Variants in MRPS34 observed in about 807,000 individuals in gnomAD.
MRPS34 encodes small ribosomal subunit protein mS34.
Under a neutral mutation model 13.3 loss-of-function variants are expected in MRPS34, and 12 were observed. The ratio of observed to expected loss-of-function variants is 0.90; its 90% CI spans 0.58 to 1.46. MRPS34 has a LOEUF of 1.46. Ranked by LOEUF, MRPS34 falls within the 40% of genes most tolerant of loss-of-function variation. MRPS34 has a pLI of 0.00. For missense variants in MRPS34, 419 were observed against 335.3 expected, an observed-to-expected ratio of 1.25 and a Z score of -1.95; for synonymous variants, 181 against 149.3, an observed-to-expected ratio of 1.21 and a Z score of -1.55.
chr16:1,772,957 A>T lies in MRPS34; in HGVS notation c.163T>A (p.Trp55Arg), dbSNP rs1287292098. ...FSGRRLPVRA[W>R]ADVRRESRLL... is the part of the protein sequence containing the mutation. ...CGGCTCTCGCGGCGCACGTCGGCCC[A>T]GGCCCGGACCGGCAGCCGGCGTCCA... Residue 55 changes from tryptophan (W) to arginine (R), a missense_variant, in exon 1 of 3, where the codon TGG (tryptophan) becomes AGG (arginine). Physicochemically the swap from Trp to Arg is moderately radical, Grantham distance 101. Coordinates refer to ENST00000397375, the MANE Select transcript of MRPS34 (RefSeq NM_023936.2). The T allele has an allele frequency of 6.9e-7, 1 of 1,450,114 alleles. No individual in the cohort carries two copies. The highest frequency in any genetic ancestry group is 1.4e-5 in the South Asian group (1 of 70,700). 89.8% of individuals were successfully genotyped at this position (1,450,114 alleles called of 1,614,324 possible). A position where few individuals can be genotyped will look rare whatever the true frequency, so the allele number is the denominator to read the frequency against.
rs1406560076 is a variant in MRPS34, at chr16:1,772,362, G to A, written c.516C>T (p.Ala172=). 21 of 1,612,836 alleles carry A rather than the reference G, an allele frequency of 1.3e-5. No individual in the cohort carries two copies. The highest frequency in any genetic ancestry group is 1.8e-5 in the Non-Finnish European group (21 of 1,180,018). ...TTTTCTGTCGTTCTGCGATAATCATGGCCCGGAGGAGAGGCGGGTACGGCA... is the reference window on the plus strand; with the variant it reads ...TTTTCTGTCGTTCTGCGATAATCATAGCCCGGAGGAGAGGCGGGTACGGCA... ...ASVPYPPLLR[A]MIIAERQKNG... is the part of the protein sequence containing the mutation. The change falls in exon 3 of 3, where the codon GCC becomes GCT. Residue 172 remains alanine, a synonymous_variant. Coordinates refer to ENST00000397375, the MANE Select transcript of MRPS34 (RefSeq NM_023936.2).
In MRPS34 at chr16:1,772,629, C is replaced by A. The variant is rs1294854251; in HGVS notation, c.339G>T (p.Lys113Asn). The change falls in exon 2 of 3, where the codon AAG becomes AAT. Residue 113 changes from lysine (K) to asparagine (N), a missense_variant. Lys to Asn is a moderately conservative substitution (Grantham distance 94, BLOSUM62 0). Transcript: ENST00000397375. ...CTTTGAAGGTCAGGATGCCCCAGGC[C>A]TTCCCGTGGTCCAAGTTCTGCAAAG... ...DYTAQNLDHG[K>N]AWGILTFKGK... 8 of 1,609,466 alleles carry A rather than the reference C, an allele frequency of 5.0e-6. No homozygotes were observed. The highest frequency in any genetic ancestry group is 6.8e-6 in the Non-Finnish European group (8 of 1,179,912).
chr16:1,772,823 C>A lies in MRPS34; in HGVS notation c.297G>T (p.Arg99=), dbSNP rs1182604102. 2.8e-6 allele frequency: 4 copies of A among 1,444,760 alleles called. No individual in the cohort carries two copies. The highest frequency in any genetic ancestry group is 3.6e-6 in the Non-Finnish European group (4 of 1,103,986). 89.5% of individuals were successfully genotyped at this position (1,444,760 alleles called of 1,614,324 possible). Residue 99 remains arginine, a synonymous_variant, in exon 1 of 3, where the codon CGG becomes CGT. Coordinates refer to ENST00000397375, the MANE Select transcript of MRPS34 (RefSeq NM_023936.2). ...CCTGCGCCGTGTAGTCGGGCCGCAC[C>A]CGCGTGAGGCGCCAGTAGCACGGCT... The part of the protein sequence containing the change: ...HDEPCYWRLT[R]VRPDYTAQNL...
rs1408322860 is a variant in MRPS34 at position 1,772,468 on chromosome 16, T to G, written c.410A>C (p.His137Pro). The G allele has an allele frequency of 6.2e-7, 1 of 1,612,284 alleles. No individual in the cohort carries two copies. Among genetic ancestry groups the G allele is most frequent in the African/African-American group, 1.3e-5 (1 of 74,936 alleles). ...EAREIEHVMY[H>P]DWRLVPKHEE... ...GTGCTTGGGCACCAGCCGCCAGTCA[T>G]GGTACATGACGTGTTCGATCTCCCG... is the stretch of plus-strand genomic sequence containing the variant. The change falls in exon 3 of 3, where the codon CAT becomes CCT. Residue 137 changes from histidine to proline, a missense_variant. Transcript: ENST00000397375.
Position 1,773,044 on chromosome 16 carries a change from T to G in MRPS34, c.76A>C (p.Asn26His). The change falls in exon 1 of 3, where the codon AAC becomes CAC. Residue 26 changes from asparagine to histidine, a missense_variant. By Grantham distance (68) the Asn-to-His change is moderately conservative. Transcript: ENST00000397375. ...RRVRALREQL[N>H]RPRDSQLYAV... ...TAGAGCTGGGAGTCGCGCGGCCTGTTCAGTTGCTCCCGCAGGGCGCGCACG... is the reference window on the plus strand; with the variant it reads ...TAGAGCTGGGAGTCGCGCGGCCTGTGCAGTTGCTCCCGCAGGGCGCGCACG... The G allele has an allele frequency of 7.0e-7, 1 of 1,430,152 alleles. No homozygotes were observed. The highest frequency in any genetic ancestry group is 1.5e-5 in the African/African-American group (1 of 66,548). The allele number at this position is 1,430,152 out of a possible 1,614,324, so 88.6% of individuals were successfully genotyped here. A position where few individuals can be genotyped will look rare whatever the true frequency, so the allele number is the denominator to read the frequency against.
rs1371684306 is a variant in MRPS34 at position 1,773,042 on chromosome 16, G to A, written c.78C>T (p.Asn26=). 1.4e-6 allele frequency: 2 copies of A among 1,430,556 alleles called. No homozygotes were observed. Among genetic ancestry groups the A allele is most frequent in the Admixed American group, 6.1e-5 (2 of 32,728 alleles). The allele number at this position is 1,430,556 out of a possible 1,614,324, so 88.6% of individuals were successfully genotyped here. A position where few individuals can be genotyped will look rare whatever the true frequency, so the allele number is the denominator to read the frequency against. The stretch of plus-strand genomic sequence containing the variant: ...CGTAGAGCTGGGAGTCGCGCGGCCT[G>A]TTCAGTTGCTCCCGCAGGGCGCGCA... ...RRVRALREQL[N]RPRDSQLYAV... Residue 26 remains asparagine, a synonymous_variant, in exon 1 of 3, where the codon AAC becomes AAT. Transcript: ENST00000397375.
Position 1,772,666 on chromosome 16 carries a change from C to A in MRPS34, c.322-20G>T, listed in dbSNP as rs758057090. On this transcript the variant is annotated intron_variant, in intron 1 of 2. Transcript: ENST00000397375. ...CAAGTTCTGCAAAGCCAGAAGGAAG[C>A]GGGGTCAGCTCGCAAAGCTCTCGGC... 1 of 1,601,016 alleles carries A rather than the reference C, an allele frequency of 6.2e-7. No homozygotes were observed. Among genetic ancestry groups the A allele is most frequent in the Non-Finnish European group, 8.5e-7 (1 of 1,179,278 alleles).
chr16:1,772,718 A>C (rs759300768), intron 1 of MRPS34, 72 bp from the exon 2 acceptor site: 2 of 1,567,212 alleles, frequency 1.3e-6, no homozygotes, highest in East Asian at 4.6e-5. Flanking sequence ...TGGGAGCCTC[A>C]GCCACGCAAA....
rs994323145 is a variant in MRPS34 at position 1,772,905 on chromosome 16, G to C, written c.215C>G (p.Pro72Arg). Reference sequence around the variant, plus strand: ...GACCAGGCGGCCCAGGCCGAAGAGCGGGAGGCGGCCGAGCAGCTGCAAGAG... The same window carrying C: ...GACCAGGCGGCCCAGGCCGAAGAGCCGGAGGCGGCCGAGCAGCTGCAAGAG... ...SRLLQLLGRLPLFGLGRLVTR... is the reference protein window; with the variant it reads ...SRLLQLLGRLRLFGLGRLVTR... Residue 72 changes from proline (P) to arginine (R), a missense_variant, in exon 1 of 3, where the codon CCG (proline) becomes CGG (arginine). Pro to Arg is a moderately radical substitution (Grantham distance 103, BLOSUM62 -2). Transcript: ENST00000397375. 6.9e-7 allele frequency: 1 copy of C among 1,450,234 alleles called. No homozygotes were observed. Among genetic ancestry groups the C allele is most frequent in the Non-Finnish European group, 9.0e-7 (1 of 1,108,552 alleles). The allele number at this position is 1,450,234 out of a possible 1,614,324, so 89.8% of individuals were successfully genotyped here.
At chr16:1,772,695 C>A (rs1256416260) in intron 1 of MRPS34, 49 bp from the exon 2 acceptor site, 2 of 1,586,090 alleles carry the variant, frequency 1.3e-6, no homozygotes, top group Non-Finnish European at 1.7e-6. Flanking sequence ...TCTCGGCCCC[C>A]GAGGTCAGGA....
At position 1,772,096 on chromosome 16, in the gene MRPS34, A is replaced by C. The variant is rs982245773; in HGVS notation, c.*125T>G. On this transcript the variant is annotated 3_prime_UTR_variant, in exon 3 of 3. Coordinates refer to ENST00000397375, the MANE Select transcript of MRPS34 (RefSeq NM_023936.2). ...CCCCTAAGATGCAGACCCTCAGAAC[A>C]CGTCGCGGAAGGTGAGCTCCCTGCT... is the stretch of plus-strand genomic sequence containing the variant. The C allele has an allele frequency of 4.0e-6, 4 of 1,001,622 alleles. No homozygotes were observed. The African/African-American group carries it at 6.5e-5, about 16-fold the overall frequency. The allele number at this position is 1,001,622 out of a possible 1,614,324, so 62.0% of individuals were successfully genotyped here. A position where few individuals can be genotyped will look rare whatever the true frequency, so the allele number is the denominator to read the frequency against.
Position 1,772,997 on chromosome 16 carries a change from C to G in MRPS34, c.123G>C (p.Leu41Phe). 6.9e-7 allele frequency: 1 copy of G among 1,455,418 alleles called. No individual in the cohort carries two copies. Among genetic ancestry groups the G allele is most frequent in the South Asian group, 1.4e-5 (1 of 71,822 alleles). 90.2% of individuals were successfully genotyped at this position (1,455,418 alleles called of 1,614,324 possible). The change falls in exon 1 of 3, where the codon TTG becomes TTC. Residue 41 changes from leucine to phenylalanine, a missense_variant. Physicochemically the swap from Leu to Phe is conservative, Grantham distance 22 (BLOSUM62 0). Coordinates refer to ENST00000397375, the MANE Select transcript of MRPS34 (RefSeq NM_023936.2). Reference sequence around the variant, plus strand: ...GCCGGCGTCCAGAGAACGGCCGCGTCAAGGTCTCGTAGTCCACCGCGTAGA... The same window carrying G: ...GCCGGCGTCCAGAGAACGGCCGCGTGAAGGTCTCGTAGTCCACCGCGTAGA... ...SQLYAVDYET[L>F]TRPFSGRRLP...
At position 1,772,393 on chromosome 16, in the gene MRPS34, G is replaced by A; in HGVS notation, c.485C>T (p.Ala162Val). The change falls in exon 3 of 3, where the codon GCC becomes GTC. Residue 162 changes from alanine (A) to valine (V), a missense_variant. Coordinates refer to ENST00000397375, the MANE Select transcript of MRPS34 (RefSeq NM_023936.2). ...AFTPAPEDSLASVPYPPLLRA... is the reference protein window; with the variant it reads ...AFTPAPEDSLVSVPYPPLLRA... ...GAGGAGAGGCGGGTACGGCACGGAG[G>A]CCAGGCTGTCTTCCGGCGCCGGCGT... 6.2e-7 allele frequency: 1 copy of A among 1,611,898 alleles called. No individual in the cohort carries two copies. Among genetic ancestry groups the A allele is most frequent in the Non-Finnish European group, 8.5e-7 (1 of 1,179,974 alleles).
Position 1,772,155 on chromosome 16 carries a change from GTTTCT to G in MRPS34, c.*61_*65del. On this transcript the variant is annotated 3_prime_UTR_variant, in exon 3 of 3. Coordinates refer to ENST00000397375, the MANE Select transcript of MRPS34 (RefSeq NM_023936.2). Reference sequence around the variant, plus strand: ...CAGACTCGGGTGTAACGCAAAGACGGTTTCTTTCATCAATAAGGTCCCCACTGCCT... The same window carrying G: ...CAGACTCGGGTGTAACGCAAAGACGGTTCATCAATAAGGTCCCCACTGCCT... 1 of 1,491,608 alleles carries G rather than the reference GTTTCT, an allele frequency of 6.7e-7. No individual in the cohort carries two copies. The highest frequency in any genetic ancestry group is 9.1e-7 in the Non-Finnish European group (1 of 1,102,432). The allele number at this position is 1,491,608 out of a possible 1,614,324, so 92.4% of individuals were successfully genotyped here.
In MRPS34 at chr16:1,772,241, C is replaced by T. The variant is rs770473583; in HGVS notation, c.637G>A (p.Ala213Thr). The T allele has an allele frequency of 6.8e-6, 11 of 1,608,720 alleles. No individual in the cohort carries two copies. Among genetic ancestry groups the T allele is most frequent in the East Asian group, 4.5e-5 (2 of 44,852 alleles). Residue 213 changes from alanine to threonine, a missense_variant, in exon 3 of 3, where the codon GCC becomes ACC. Ala to Thr is a moderately conservative substitution (Grantham distance 58). Coordinates refer to ENST00000397375, the MANE Select transcript of MRPS34 (RefSeq NM_023936.2). The part of the protein sequence containing the change: ...YPAKQEDKGR[A>T]KGTPV ...GCATTCTAGACGGGGGTGCCCTTGG[C>T]CCTTCCTTTGTCTTCCTGTTTTGCA... is the stretch of plus-strand genomic sequence containing the variant.
Position 1,772,796 on chromosome 16 carries a change from C to CTCCT in MRPS34, c.321+2_321+3insAGGA. The CTCCT allele has an allele frequency of 6.8e-7, 1 of 1,469,268 alleles. No homozygotes were observed. Among genetic ancestry groups the CTCCT allele is most frequent in the Non-Finnish European group, 9.0e-7 (1 of 1,115,098 alleles). The allele number at this position is 1,469,268 out of a possible 1,614,324, so 91.0% of individuals were successfully genotyped here. On this transcript the variant is annotated splice_region_variant and intron_variant, in intron 1 of 2. Transcript: ENST00000397375. ...GGGCGGGGTGCGGACGGGGTGCACG[C>CTCCT]ACCTGCGCCGTGTAGTCGGGCCGCA...
In MRPS34 at chr16:1,772,626, G is replaced by A; in HGVS notation, c.342C>T (p.Ala114=). The A allele has an allele frequency of 1.2e-6, 2 of 1,610,042 alleles. No individual in the cohort carries two copies. The highest frequency in any genetic ancestry group is 1.1e-5 in the South Asian group (1 of 91,082). ...TACCTTTGAAGGTCAGGATGCCCCA[G>A]GCCTTCCCGTGGTCCAAGTTCTGCA... ...YTAQNLDHGK[A]WGILTFKGKT... is the part of the protein sequence containing the mutation. Residue 114 remains alanine (A), a synonymous_variant, in exon 2 of 3, where the codon GCC becomes GCT. Coordinates refer to ENST00000397375, the MANE Select transcript of MRPS34 (RefSeq NM_023936.2).
chr16:1,772,485 G>C lies in MRPS34; in HGVS notation c.393C>G (p.Ile131Met). The C allele has an allele frequency of 3.1e-6, 5 of 1,611,472 alleles. No individual in the cohort carries two copies. In the Middle Eastern group the frequency reaches 8.3e-4, roughly 266 times the overall value. The part of the protein sequence containing the change: ...KGKTESEARE[I>M]EHVMYHDWRL... The stretch of plus-strand genomic sequence containing the variant: ...GCCAGTCATGGTACATGACGTGTTC[G>C]ATCTCCCGCGCCTCGCTCTCAGTCT... Residue 131 changes from isoleucine to methionine, a missense_variant, in exon 3 of 3, where the codon ATC (isoleucine) becomes ATG (methionine). Transcript: ENST00000397375.
Position 1,772,291 on chromosome 16 carries a change from A to T in MRPS34, c.587T>A (p.Ile196Lys), listed in dbSNP as rs780168141. ...AGGGTAATCCCAGGGTTCCATGCGT[A>T]TCCTCTGCACATTCAGCATGGGCTC... ...TEEPMLNVQR[I>K]RMEPWDYPAK... Residue 196 changes from isoleucine to lysine, a missense_variant, in exon 3 of 3, where the codon ATA becomes AAA. By Grantham distance (102) the Ile-to-Lys change is moderately radical (BLOSUM62 -3). Transcript: ENST00000397375. 3 of 1,612,904 alleles carry T rather than the reference A, an allele frequency of 1.9e-6. No individual in the cohort carries two copies. Among genetic ancestry groups the T allele is most frequent in the Non-Finnish European group, 1.7e-6 (2 of 1,179,948 alleles).
Sources: gnomAD v4.1 joint callset for allele counts on GRCh38, gnomAD v4.1.1 for gene constraint, MANE v1.5 for transcripts, NCBI Gene and HGNC (gene_info 2026-07-23, HGNC 2026-07-21) for gene names.